CDH12: variants seen among roughly 807,000 people sequenced by gnomAD.
CDH12 encodes cadherin 12, also known as cadherin-12.
Under a neutral mutation model 74.1 loss-of-function variants are expected in CDH12, and 41 were observed. That is an observed-to-expected ratio of 0.55 (90% CI 0.43 to 0.72). CDH12 has a LOEUF of 0.72. Ranked by LOEUF, CDH12 falls within the 30% of genes least tolerant of loss-of-function variation. CDH12 has a pLI of 0.00. For synonymous variants in CDH12, 399 were observed against 355.0 expected, an observed-to-expected ratio of 1.12 and a Z score of -1.39; for missense variants, 945 against 977.2, an observed-to-expected ratio of 0.97 and a Z score of 0.44.
chr5:22,401,357 C>T (rs1561375698), intron 3 of CDH12, among the ~76,000 whole-genome samples: 1 of 152,084 alleles, frequency 6.6e-6, no homozygotes, highest in Non-Finnish European at 1.5e-5. Context: ...GGGATCTCTA[C>T]CTACCAAAAA....
rs1746011499 is a variant in CDH12, at chr5:21,783,280, T to C, written c.1393+78A>G. ...GCTGTCAGTCCAAAAATGAAAAACA[T>C]CTCAGCAGGGACTCATTTAAGAGTC... On this transcript the variant is annotated intron_variant, in intron 11 of 14. Coordinates refer to ENST00000382254, the MANE Select transcript of CDH12 (RefSeq NM_004061.5). 13 of 1,295,274 alleles carry C rather than the reference T, an allele frequency of 1.0e-5. No individual in the cohort carries two copies. The East Asian group carries it at 1.2e-4, about 12-fold the overall frequency. The allele number at this position is 1,295,274 out of a possible 1,614,324, so 80.2% of individuals were successfully genotyped here.
chr5:21,989,479 T>A (rs1757657577), intron 5 of CDH12, among the ~76,000 whole-genome samples: 1 of 152,260 alleles, frequency 6.6e-6, no homozygotes, highest in South Asian at 2.1e-4. Flanking sequence ...GGTAAAACAT[T>A]TATCTCTTGA....
intron 4 of CDH12, among the ~76,000 whole-genome samples, chr5:22,108,322 T>G (rs1203419165): frequency 1.3e-5 from 2 of 152,238 alleles, no homozygotes; most frequent in African/African-American, 4.8e-5. Flanking sequence ...TATGTGGAAC[T>G]GTGAGTCCAT....
At chr5:21,832,296 G>A (rs73054958) in intron 8 of CDH12, among the ~76,000 whole-genome samples, 1,749 of 152,090 alleles carry the variant, frequency 0.011, 33 homozygotes, top group African/African-American at 0.039. Flanking sequence ...TCATGCTCTC[G>A]TTAGCAAATG....
intron 1 of CDH12, among the ~76,000 whole-genome samples, chr5:22,753,199 T>G (rs1348985674): frequency 2.0e-5 from 3 of 151,942 alleles, no homozygotes; most frequent in African/African-American, 7.2e-5. Context: ...AAACAGAAGT[T>G]TATTAAGCTT....
chr5:22,153,787 A>C (rs1747778933), intron 4 of CDH12, among the ~76,000 whole-genome samples: 1 of 148,030 alleles, frequency 6.8e-6, no homozygotes, highest in African/African-American at 2.5e-5. Context: ...CAAGATATGA[A>C]ATCAACCTAA....
At chr5:22,515,387 T>C (rs1393280487) in intron 1 of CDH12, among the ~76,000 whole-genome samples, 2 of 152,148 alleles carry the variant, frequency 1.3e-5, no homozygotes, top group Non-Finnish European at 2.9e-5. Context: ...GGAGATGGTA[T>C]TGTCCTGCTC....
intron 2 of CDH12, among the ~76,000 whole-genome samples, chr5:22,415,615 C>T (rs1743349272): frequency 6.6e-6 from 1 of 152,192 alleles, no homozygotes; most frequent in Non-Finnish European, 1.5e-5. Flanking sequence ...GGCCCAGGTA[C>T]TTTCATTAGG....
intron 1 of CDH12, among the ~76,000 whole-genome samples, chr5:22,846,283 T>C (rs1737297867): frequency 6.6e-6 from 1 of 152,138 alleles, no homozygotes; most frequent in Non-Finnish European, 1.5e-5. Flanking sequence ...GATAGAAATA[T>C]TGAGCAGGCA....
chr5:21,824,675 T>A (rs77599579), intron 8 of CDH12, among the ~76,000 whole-genome samples: 1 of 152,156 alleles, frequency 6.6e-6, no homozygotes, highest in Admixed American at 6.6e-5. Flanking sequence ...TGGGAAAATA[T>A]ATTAGAGTTT....
intron 1 of CDH12, among the ~76,000 whole-genome samples, chr5:22,618,825 G>C (rs1737816422): frequency 6.6e-6 from 1 of 151,890 alleles, no homozygotes; most frequent in African/African-American, 2.4e-5. Flanking sequence ...CATGGGGGTG[G>C]GTATTTCCAT....
chr5:22,187,496 T>A (rs1165895691), intron 4 of CDH12, among the ~76,000 whole-genome samples: 2 of 150,986 alleles, frequency 1.3e-5, no homozygotes, highest in African/African-American at 2.4e-5. Context: ...CCCTTTAAAC[T>A]GGTGAATGCT....
intron 4 of CDH12, among the ~76,000 whole-genome samples, chr5:22,093,418 AATTG>A (rs1430361913): frequency 3.3e-5 from 5 of 152,204 alleles, no homozygotes; most frequent in Non-Finnish European, 5.9e-5. Flanking sequence ...AACACCATGC[AATTG>A]ATTATTACAT....
intron 6 of CDH12, among the ~76,000 whole-genome samples, chr5:21,966,568 G>A (rs1169880432): frequency 6.6e-6 from 1 of 152,110 alleles, no homozygotes; most frequent in African/African-American, 2.4e-5. Context: ...CTAAAATAGT[G>A]CCTGTCACGT....
At chr5:22,270,594 C>CAAA (rs533235770) in intron 3 of CDH12, among the ~76,000 whole-genome samples, 2 of 127,754 alleles carry the variant, frequency 1.6e-5, no homozygotes, top group African/African-American at 5.7e-5. Flanking sequence ...GACACCGTCT[C>CAAA]AAAAAAAAAA....
chr5:22,733,619 G>C (rs986695618), intron 1 of CDH12, among the ~76,000 whole-genome samples: 7 of 151,770 alleles, frequency 4.6e-5, no homozygotes, highest in African/African-American at 1.5e-4. Flanking sequence ...TCCATGTAAA[G>C]TCAGCCTCTC....
chr5:22,385,679 T>C (rs1388072587), intron 3 of CDH12, among the ~76,000 whole-genome samples: 2 of 152,116 alleles, frequency 1.3e-5, no homozygotes, highest in Non-Finnish European at 2.9e-5. Flanking sequence ...GTATTTTTAG[T>C]CTGTTCTTGC....
chr5:22,092,636 A>G (rs1352895492), intron 4 of CDH12, among the ~76,000 whole-genome samples: 1 of 152,148 alleles, frequency 6.6e-6, no homozygotes, highest in Admixed American at 6.5e-5. Flanking sequence ...ACCCGCACAC[A>G]TGGCTGCTAA....
chr5:22,777,844 C>T (rs921997245), intron 1 of CDH12, among the ~76,000 whole-genome samples: 3 of 152,010 alleles, frequency 2.0e-5, no homozygotes, highest in Admixed American at 6.6e-5. Flanking sequence ...GATGGAGTCT[C>T]GCTCTATCAA....
Sources: allele counts gnomAD v4.1 joint callset (sites outside exome capture counted in the v4.1 genomes callset), GRCh38; gene constraint gnomAD v4.1.1; transcripts MANE v1.5; gene names NCBI Gene and HGNC (gene_info 2026-07-23, HGNC 2026-07-21).